Variants in CACNA2D1 observed in about 807,000 individuals in gnomAD.
CACNA2D1 encodes the protein calcium voltage-gated channel auxiliary subunit alpha2delta 1, also known as voltage-dependent calcium channel subunit alpha-2/delta-1.
Under a neutral mutation model 171.5 loss-of-function variants are expected in CACNA2D1, and 53 were observed. That is an observed-to-expected ratio of 0.31 (90% CI 0.25 to 0.39). The LOEUF (loss-of-function observed/expected upper bound fraction) is 0.39. CACNA2D1 is among the 10% of genes least tolerant of loss of function. The pLI, the probability that CACNA2D1 is intolerant of heterozygous loss-of-function variation, is 1.00. For synonymous variants in CACNA2D1, 442 were observed against 443.1 expected, an observed-to-expected ratio of 1.00 and a Z score of 0.03; for missense variants, 903 against 1,299.8, an observed-to-expected ratio of 0.69 and a Z score of 4.69.
rs535524990 is a variant in CACNA2D1, at chr7:82,110,080, C to T, written c.526+6964G>A. On this transcript the variant is annotated intron_variant, in intron 6 of 38. Coordinates refer to ENST00000356860, the MANE Select transcript of CACNA2D1 (RefSeq NM_000722.4). Reference sequence around the variant, plus strand: ...GTCCATCATACCTCCTGTTCTTATACCTTTTATGCCTATTCTTATCAACAT... The same window carrying T: ...GTCCATCATACCTCCTGTTCTTATATCTTTTATGCCTATTCTTATCAACAT... Among the ~76,000 whole-genome samples, 5 of 152,226 alleles carry T rather than the reference C, an allele frequency of 3.3e-5. No individual in the cohort carries two copies. The East Asian group carries it at 7.7e-4, about 23-fold the overall frequency.
chr7:82,186,263 G>GAAGGAAGGAAGA (rs1563174230), intron 3 of CACNA2D1, among the ~76,000 whole-genome samples: 1 of 141,058 alleles, frequency 7.1e-6, no homozygotes, highest in Non-Finnish European at 1.6e-5. Flanking sequence ...AGAAAGGAAG[G>GAAGGAAGGAAGA]AAGGAAGGAA....
At chr7:81,972,724 C>T (rs1795411371) in intron 25 of CACNA2D1, among the ~76,000 whole-genome samples, 1 of 151,952 alleles carries the variant, frequency 6.6e-6, no homozygotes, top group African/African-American at 2.4e-5. Context: ...AATACCCTAA[C>T]AGGTACCCTC....
At chr7:82,291,336 A>G (rs1246040334) in intron 3 of CACNA2D1, among the ~76,000 whole-genome samples, 2 of 138,234 alleles carry the variant, frequency 1.4e-5, no homozygotes, top group Non-Finnish European at 3.1e-5. Flanking sequence ...AGATATATAG[A>G]TATCTTTATA....
intron 6 of CACNA2D1, among the ~76,000 whole-genome samples, chr7:82,090,810 T>G (rs1299860647): frequency 6.6e-6 from 1 of 152,194 alleles, no homozygotes; most frequent in Non-Finnish European, 1.5e-5. Context: ...TTAGAAACTT[T>G]GTTTAGTTTT....
At chr7:82,004,354 C>T (rs1022396801) in intron 18 of CACNA2D1, among the ~76,000 whole-genome samples, 2 of 151,734 alleles carry the variant, frequency 1.3e-5, no homozygotes, top group East Asian at 3.9e-4. Flanking sequence ...GCTACACGTG[C>T]TACAGATAAT....
At chr7:82,371,640 G>A (rs1195921660) in intron 1 of CACNA2D1, among the ~76,000 whole-genome samples, 1 of 151,916 alleles carries the variant, frequency 6.6e-6, no homozygotes, top group African/African-American at 2.4e-5. Context: ...GAGTGCAATC[G>A]CACAATCTCG....
At chr7:82,126,211 C>T (rs1790318184) in intron 5 of CACNA2D1, among the ~76,000 whole-genome samples, 1 of 152,124 alleles carries the variant, frequency 6.6e-6, no homozygotes, top group Non-Finnish European at 1.5e-5. Flanking sequence ...TTGAATCTAG[C>T]TAGCACTCCA....
chr7:82,082,864 A>G (rs771680113), intron 7 of CACNA2D1, among the ~76,000 whole-genome samples: 1 of 152,016 alleles, frequency 6.6e-6, no homozygotes, highest in East Asian at 1.9e-4. Context: ...TCATCCCTCA[A>G]TTAGCATTTG....
intron 13 of CACNA2D1, 130 bp downstream of exon 13, chr7:82,014,271 C>G (rs1800150175): frequency 1.6e-6 from 1 of 643,278 alleles, no homozygotes; most frequent in South Asian, 1.8e-5. Context: ...AAAACATGTT[C>G]AGAATCTTAC....
chr7:82,359,991 GA>G (rs1820903246), intron 1 of CACNA2D1, among the ~76,000 whole-genome samples: 1 of 152,208 alleles, frequency 6.6e-6, no homozygotes, highest in African/African-American at 2.4e-5. Context: ...TGAGGAAACT[GA>G]GGCATAGAGC....
intron 1 of CACNA2D1, among the ~76,000 whole-genome samples, chr7:82,435,225 TG>T (rs1007676968): frequency 2.6e-4 from 39 of 151,964 alleles, no homozygotes; most frequent in African/African-American, 8.9e-4. Context: ...TTAGTAGAGA[TG>T]GGGTTTCACC....
intron 1 of CACNA2D1, among the ~76,000 whole-genome samples, chr7:82,399,202 G>C (rs895649064): frequency 5.3e-5 from 8 of 152,196 alleles, no homozygotes; most frequent in African/African-American, 1.9e-4. Context: ...TTTATTGGGA[G>C]GCCAAGGTGG....
chr7:82,422,016 T>C (rs1329001077), intron 1 of CACNA2D1, among the ~76,000 whole-genome samples: 2 of 152,132 alleles, frequency 1.3e-5, no homozygotes, highest in Non-Finnish European at 2.9e-5. Context: ...GTGAAGCTGT[T>C]CACAAAGAAG....
chr7:82,085,986 CA>C (rs1027261345), intron 6 of CACNA2D1, among the ~76,000 whole-genome samples: 4 of 151,794 alleles, frequency 2.6e-5, no homozygotes, highest in South Asian at 4.1e-4. Flanking sequence ...TCCCTTTACA[CA>C]AAAAAAGGCA....
rs1384434398 is a variant in CACNA2D1, at chr7:81,964,264, T to A, written c.2670A>T (p.Ser890=). The part of the protein sequence containing the change: ...YAFNKSYDYQ[S]VCEPGAAPKQ... ...TTGGTGCAGCACCGGGCTCACATACTGACTGATAATCATAAGATTTGTTAA... is the reference window on the plus strand; with the variant it reads ...TTGGTGCAGCACCGGGCTCACATACAGACTGATAATCATAAGATTTGTTAA... Residue 890 remains serine (S), a synonymous_variant, in exon 33 of 39, where the codon TCA becomes TCT. Transcript: ENST00000356860. 6.2e-7 allele frequency: 1 copy of A among 1,612,840 alleles called. No individual in the cohort carries two copies. The highest frequency in any genetic ancestry group is 8.5e-7 in the Non-Finnish European group (1 of 1,179,194).
chr7:82,225,503 C>T (rs550098311), intron 3 of CACNA2D1, among the ~76,000 whole-genome samples: 2 of 152,246 alleles, frequency 1.3e-5, no homozygotes, highest in Admixed American at 6.5e-5. Flanking sequence ...TCATTTTACT[C>T]AGAAAAGTTG....
At chr7:82,174,789 T>C (rs1299167266) in intron 3 of CACNA2D1, among the ~76,000 whole-genome samples, 1 of 152,114 alleles carries the variant, frequency 6.6e-6, no homozygotes, top group Non-Finnish European at 1.5e-5. Context: ...TGTCCTCAAA[T>C]CCTGGGAGAT....
chr7:82,055,420 C>A (rs1456909442), intron 10 of CACNA2D1, among the ~76,000 whole-genome samples: 1 of 151,954 alleles, frequency 6.6e-6, no homozygotes, highest in Non-Finnish European at 1.5e-5. Context: ...TGGGTATATA[C>A]CCAAAGGAAT....
At chr7:82,134,883 C>G (rs2129075180) in intron 5 of CACNA2D1, among the ~76,000 whole-genome samples, 1 of 152,172 alleles carries the variant, frequency 6.6e-6, no homozygotes, top group African/African-American at 2.4e-5. Flanking sequence ...GACATATATG[C>G]TCAAATGGGC....
Sources: gnomAD v4.1 joint callset for allele counts (sites outside exome capture counted in the v4.1 genomes callset) on GRCh38, gnomAD v4.1.1 for gene constraint, MANE v1.5 for transcripts, NCBI Gene and HGNC (gene_info 2026-07-23, HGNC 2026-07-21) for gene names.